Variants in CLVS1 observed in about 807,000 individuals in gnomAD.
CLVS1 encodes clavesin-1.
Under a neutral mutation model 33.1 loss-of-function variants are expected in CLVS1, and 10 were observed. The ratio of observed to expected loss-of-function variants is 0.30; its 90% CI spans 0.19 to 0.51. The LOEUF (loss-of-function observed/expected upper bound fraction) is 0.51, where lower values mean the gene tolerates loss of function less well. CLVS1 is among the 20% of genes least tolerant of loss of function. The pLI is 0.97. For missense variants in CLVS1, 343 were observed against 433.4 expected (o/e 0.79, Z 1.85); for synonymous variants, 163 against 166.1 (o/e 0.98, Z 0.14).
At position 61,482,445 on chromosome 8, in the gene CLVS1, C is replaced by T. The variant is rs146880846; in HGVS notation, c.978-17010C>T. 9.5e-3 allele frequency among the ~76,000 whole-genome samples: 1,453 copies of T among 152,220 alleles called. 11 individuals are homozygous for T. Among genetic ancestry groups the T allele is most frequent in the African/African-American group, 0.033 (1,387 of 41,518 alleles). On this transcript the variant is annotated intron_variant, in intron 5 of 5. Transcript: ENST00000325897. ...GATGTTCGAACCCATTGCAAAGAAG[C>T]TAAAAACCTTGAAAAAAGATTAGAC...
chr8:61,460,702 GT>G (rs1182260124), intron 5 of CLVS1, among the ~76,000 whole-genome samples: 3 of 152,112 alleles, frequency 2.0e-5, no homozygotes, highest in Non-Finnish European at 4.4e-5. Context: ...AGCAGATATT[GT>G]TGTTCTTTGG....
intron 2 of CLVS1, among the ~76,000 whole-genome samples, chr8:61,280,796 T>G (rs887682177): frequency 6.6e-5 from 10 of 152,294 alleles, no homozygotes; most frequent in African/African-American, 2.2e-4. Context: ...ATTATTTTTT[T>G]TGTGTATTTT....
intron 2 of CLVS1, among the ~76,000 whole-genome samples, chr8:61,238,855 A>G (rs1030498720): frequency 3.3e-5 from 5 of 152,192 alleles, no homozygotes; most frequent in African/African-American, 4.8e-5. Context: ...TTAAACATCA[A>G]TCTTGGTCCA....
rs536160693 is a variant in CLVS1, at chr8:61,122,527, A to G, written c.-242-9243A>G. On this transcript the variant is annotated intron_variant, in intron 1 of 2. Transcript: ENST00000522621. ...TACTTTATGCTGAATCCTATTTATC[A>G]ATGTCCTACAACGTGTGAATGACAT... is the stretch of plus-strand genomic sequence containing the variant. 1.3e-4 allele frequency among the ~76,000 whole-genome samples: 19 copies of G among 150,240 alleles called. No individual in the cohort carries two copies. The East Asian group carries it at 3.2e-3, about 25-fold the overall frequency.
chr8:61,036,181 A>G, the CLVS1 span, among the ~76,000 whole-genome samples: 3 of 152,240 alleles, frequency 2.0e-5, no homozygotes, highest in Admixed American at 2.0e-4. Context: ...GGAGAATGGG[A>G]GAGTTGATTT....
the CLVS1 span, among the ~76,000 whole-genome samples, chr8:61,004,280 G>A: frequency 8.5e-5 from 13 of 152,324 alleles, no homozygotes; most frequent in African/African-American, 3.1e-4. Context: ...AGCTCATTCT[G>A]TTCTTCCCCA....
chr8:61,310,496 G>A (rs1440525804), intron 2 of CLVS1, among the ~76,000 whole-genome samples: 2 of 152,172 alleles, frequency 1.3e-5, no homozygotes, highest in South Asian at 2.1e-4. Flanking sequence ...TCTGGGGGCT[G>A]CAAAATCAGA....
chr8:61,278,165 G>T (rs560017559), intron 2 of CLVS1, among the ~76,000 whole-genome samples: 2 of 152,108 alleles, frequency 1.3e-5, no homozygotes, highest in Admixed American at 6.5e-5. Context: ...CTTTTTAATT[G>T]TCTTCAGCTC....
At chr8:61,091,737 CCT>C (rs1805253765) in intron 1 of CLVS1, among the ~76,000 whole-genome samples, 1 of 152,132 alleles carries the variant, frequency 6.6e-6, no homozygotes, top group South Asian at 2.1e-4. Flanking sequence ...AAATAAAAAA[CCT>C]CTCTCTGGAA....
At chr8:61,339,978 GA>G (rs1811963332) in intron 2 of CLVS1, among the ~76,000 whole-genome samples, 1 of 139,270 alleles carries the variant, frequency 7.2e-6, no homozygotes, top group East Asian at 2.0e-4. Flanking sequence ...GAAAGAGAAA[GA>G]AAGTGAAAAA....
chr8:61,250,369 T>C lies in CLVS1; in HGVS notation c.-151-49308T>C, dbSNP rs180927210. Among the ~76,000 whole-genome samples, 9 of 152,356 alleles carry C rather than the reference T, an allele frequency of 5.9e-5. 1 individual carries two copies. In the East Asian group the frequency reaches 1.7e-3, roughly 29 times the overall value. Reference sequence around the variant, plus strand: ...GGTAGCATGATGCCTTCAGCTTTGTTCTTTTGGCTTAGGATTATCTTGGCA... The same window carrying C: ...GGTAGCATGATGCCTTCAGCTTTGTCCTTTTGGCTTAGGATTATCTTGGCA... On this transcript the variant is annotated intron_variant, in intron 2 of 2. Coordinates refer to the CLVS1 transcript ENST00000522621.
chr8:61,298,275 T>C (rs936115250), intron 1 of CLVS1, among the ~76,000 whole-genome samples: 3 of 152,198 alleles, frequency 2.0e-5, no homozygotes, highest in African/African-American at 7.2e-5. Flanking sequence ...ACTATTTTCC[T>C]TTACTGTTAT....
chr8:61,457,118 G>A (rs1332623752), intron 4 of CLVS1, among the ~76,000 whole-genome samples: 2 of 151,714 alleles, frequency 1.3e-5, no homozygotes, highest in African/African-American at 2.4e-5. Context: ...TGTATTTTTA[G>A]TAGAGACAGG....
intron 3 of CLVS1, among the ~76,000 whole-genome samples, chr8:61,429,583 A>G (rs1413061510): frequency 3.9e-5 from 6 of 152,100 alleles, no homozygotes; most frequent in Admixed American, 2.6e-4. Context: ...CCACCTCTCA[A>G]TGTCGTTGTA....
intron 1 of CLVS1, among the ~76,000 whole-genome samples, chr8:61,088,180 C>T (rs951593905): frequency 3.3e-5 from 5 of 152,140 alleles, no homozygotes; most frequent in Non-Finnish European, 5.9e-5. Flanking sequence ...TAGTGCCCCA[C>T]TGTGTGAATA....
chr8:61,321,931 T>C (rs1364170386), intron 2 of CLVS1, among the ~76,000 whole-genome samples: 1 of 152,100 alleles, frequency 6.6e-6, no homozygotes, highest in African/African-American at 2.4e-5. Flanking sequence ...TACTCCAGAT[T>C]CCCCTGATGC....
chr8:61,343,466 C>G (rs1005603672), intron 2 of CLVS1, among the ~76,000 whole-genome samples: 8 of 152,174 alleles, frequency 5.3e-5, no homozygotes, highest in Non-Finnish European at 7.3e-5. Context: ...GATTCAGTTA[C>G]TGCTGAGAGT....
the CLVS1 span, among the ~76,000 whole-genome samples, chr8:61,037,314 T>C: frequency 6.6e-6 from 1 of 152,166 alleles, no homozygotes; most frequent in African/African-American, 2.4e-5. Context: ...TCCTGGGGAC[T>C]GCCATTCTTA....
intron 2 of CLVS1, among the ~76,000 whole-genome samples, chr8:61,189,648 C>T (rs1229853274): frequency 6.6e-6 from 1 of 152,072 alleles, no homozygotes; most frequent in African/African-American, 2.4e-5. Flanking sequence ...CAGAGACACA[C>T]ATAGGCTCAA....
Sources: gnomAD v4.1 joint callset for allele counts (sites outside exome capture counted in the v4.1 genomes callset) on GRCh38, gnomAD v4.1.1 for gene constraint, MANE v1.5 for transcripts, NCBI Gene and HGNC (gene_info 2026-07-23, HGNC 2026-07-21) for gene names.